The following DLGAP2 variants were observed in gnomAD, a reference collection of about 807,000 sequenced individuals.
DLGAP2 encodes the protein disks large-associated protein 2.
DLGAP2 carries 26 observed loss-of-function variants against 100.3 expected under a neutral mutation model. The ratio of observed to expected loss-of-function variants is 0.26; its 90% CI spans 0.19 to 0.36. DLGAP2 has a LOEUF of 0.36. DLGAP2 is among the 10% of genes least tolerant of loss of function. The probability of loss-of-function intolerance (pLI) is 1.00; values close to 1 mark genes in which losing one functional copy is unlikely to be tolerated. For missense variants in DLGAP2, 1,858 were observed against 1,453.2 expected, an observed-to-expected ratio of 1.28 and a Z score of -4.53; for synonymous variants, 886 against 630.1, an observed-to-expected ratio of 1.41 and a Z score of -6.08.
At chr8:1,541,402 TGCTGATATTTACTGATATCA>T (rs1425289174) in intron 4 of DLGAP2, among the ~76,000 whole-genome samples, 2 of 152,200 alleles carry the variant, frequency 1.3e-5, no homozygotes, top group Non-Finnish European at 2.9e-5. Context: ...ACCTGGTAGC[TGCTGATATTTACTGATATCA>T]GTAAATATCC....
intron 3 of DLGAP2, among the ~76,000 whole-genome samples, chr8:1,356,028 C>T (rs533400017): frequency 3.3e-5 from 5 of 152,358 alleles, no homozygotes; most frequent in South Asian, 2.1e-4. Flanking sequence ...CTTGCATGAT[C>T]GGGGCCACTG....
intron 3 of DLGAP2, among the ~76,000 whole-genome samples, chr8:1,476,020 A>G (rs540756481): frequency 6.6e-6 from 1 of 152,166 alleles, no homozygotes; most frequent in Non-Finnish European, 1.5e-5. Flanking sequence ...CTTTTGAATA[A>G]GGAAATATGA....
At chr8:1,273,308 G>C (rs1450970373) in intron 3 of DLGAP2, among the ~76,000 whole-genome samples, 1 of 152,168 alleles carries the variant, frequency 6.6e-6, no homozygotes, top group African/African-American at 2.4e-5. Flanking sequence ...TGCTCTGAGA[G>C]AGCCCTGCTG....
intron 3 of DLGAP2, among the ~76,000 whole-genome samples, chr8:1,298,472 C>G (rs556896580): frequency 2.0e-5 from 3 of 152,214 alleles, no homozygotes; most frequent in South Asian, 4.1e-4. Context: ...TTCATGGGGA[C>G]ACACAGGAGG....
chr8:1,418,358 C>T (rs529959069), intron 3 of DLGAP2, among the ~76,000 whole-genome samples: 1 of 152,272 alleles, frequency 6.6e-6, no homozygotes, highest in African/African-American at 2.4e-5. Flanking sequence ...TATTTATATT[C>T]AGTATCCTCA....
intron 2 of DLGAP2, among the ~76,000 whole-genome samples, chr8:1,179,599 T>G (rs1374264528): frequency 6.6e-6 from 1 of 152,264 alleles, no homozygotes; most frequent in Non-Finnish European, 1.5e-5. Context: ...AAATTAACTC[T>G]CCAAGTTGCC....
intron 1 of DLGAP2, among the ~76,000 whole-genome samples, chr8:789,543 A>G (rs536579087): frequency 2.0e-5 from 3 of 152,336 alleles, no homozygotes; most frequent in African/African-American, 4.8e-5. Flanking sequence ...GCCAAACCAT[A>G]TGAATTGTCT....
chr8:882,925 G>T (rs1001417672), intron 1 of DLGAP2, among the ~76,000 whole-genome samples: 1 of 152,252 alleles, frequency 6.6e-6, no homozygotes, highest in African/African-American at 2.4e-5. Context: ...ATCGGTCTGG[G>T]CATGGGTAAC....
At chr8:755,509 A>C (rs180731300) in intron 1 of DLGAP2, among the ~76,000 whole-genome samples, 2 of 152,234 alleles carry the variant, frequency 1.3e-5, no homozygotes, top group African/African-American at 2.4e-5. Flanking sequence ...CATGTTTTTA[A>C]TAATCTTAAT....
chr8:1,497,578 T>C (rs1463580518), intron 3 of DLGAP2, among the ~76,000 whole-genome samples: 3 of 152,172 alleles, frequency 2.0e-5, no homozygotes, highest in African/African-American at 7.2e-5. Context: ...TCTTTAAGCA[T>C]AGATAAGGGC....
chr8:1,356,060 G>A (rs190125270), intron 3 of DLGAP2, among the ~76,000 whole-genome samples: 1 of 152,328 alleles, frequency 6.6e-6, no homozygotes, highest in African/African-American at 2.4e-5. Context: ...AGTATGGGGC[G>A]GCCCTCACAC....
chr8:1,012,972 CT>C lies in DLGAP2; in HGVS notation c.73+105008del, dbSNP rs368327675. ...ACAGAGGGGGTCCCTGCCAGTGTGG[CT>C]TCAGTTTTGCAGATGAGGAAGTTGA... On this transcript the variant is annotated intron_variant, in intron 2 of 14. Transcript: ENST00000637795. Among the ~76,000 whole-genome samples, 192 of 152,280 alleles carry C rather than the reference CT, an allele frequency of 1.3e-3. 6 individuals are homozygous for C. In the South Asian group the frequency reaches 0.039, roughly 31 times the overall value.
At chr8:1,370,727 T>A (rs116271664) in intron 3 of DLGAP2, among the ~76,000 whole-genome samples, 108 of 152,320 alleles carry the variant, frequency 7.1e-4, no homozygotes, top group African/African-American at 2.4e-3. Context: ...CTTTCTCTGC[T>A]TTGCTGGTGT....
chr8:850,464 C>T (rs1797164979), intron 1 of DLGAP2, among the ~76,000 whole-genome samples: 1 of 152,012 alleles, frequency 6.6e-6, no homozygotes, highest in African/African-American at 2.4e-5. Context: ...TTTATTGTTT[C>T]ACAGAAAGCT....
chr8:1,329,164 C>G (rs1315644069), intron 3 of DLGAP2, among the ~76,000 whole-genome samples: 1 of 152,194 alleles, frequency 6.6e-6, no homozygotes. Flanking sequence ...CCAGATCAGC[C>G]TGGAGTTCTC....
At chr8:1,158,154 A>G (rs1424491857) in intron 2 of DLGAP2, among the ~76,000 whole-genome samples, 1 of 152,236 alleles carries the variant, frequency 6.6e-6, no homozygotes, top group Non-Finnish European at 1.5e-5. Context: ...TCTAAAGCTC[A>G]TGTAACTCAA....
chr8:1,110,505 T>C (rs774959127), intron 2 of DLGAP2, among the ~76,000 whole-genome samples: 2 of 142,258 alleles, frequency 1.4e-5, no homozygotes, highest in Non-Finnish European at 3.1e-5. Flanking sequence ...TGTGTGCACG[T>C]GCCTGTGAAG....
intron 3 of DLGAP2, among the ~76,000 whole-genome samples, chr8:1,322,389 G>T (rs542744109): frequency 2.2e-4 from 33 of 152,352 alleles, no homozygotes; most frequent in African/African-American, 7.7e-4. Flanking sequence ...AAATGTCCAT[G>T]GAAATGCATG....
At chr8:1,207,584 C>T (rs1023410361) in intron 2 of DLGAP2, among the ~76,000 whole-genome samples, 2 of 152,180 alleles carry the variant, frequency 1.3e-5, no homozygotes, top group South Asian at 2.1e-4. Context: ...CAGATACTCA[C>T]GAGTGGGATT....
Sources: allele counts gnomAD v4.1 joint callset (sites outside exome capture counted in the v4.1 genomes callset), GRCh38; gene constraint gnomAD v4.1.1; transcripts MANE v1.5; gene names NCBI Gene and HGNC (gene_info 2026-07-23, HGNC 2026-07-21).